The following SYNE2 variants were observed in gnomAD, a reference collection of about 807,000 sequenced individuals.
SYNE2 encodes spectrin repeat containing nuclear envelope protein 2.
Under a neutral mutation model 856.3 loss-of-function variants are expected in SYNE2, and 431 were observed. The ratio of observed to expected loss-of-function variants is 0.50; its 90% CI spans 0.47 to 0.55. The LOEUF is 0.55. Ranked by LOEUF, SYNE2 falls within the 20% of genes least tolerant of loss-of-function variation. The probability of loss-of-function intolerance (pLI) is 0.00; values close to 1 mark genes in which losing one functional copy is unlikely to be tolerated. For missense variants in SYNE2, 8,129 were observed against 8,023.2 expected (o/e 1.01, Z -0.50); for synonymous variants, 2,923 against 2,872.3 (o/e 1.02, Z -0.56).
chr14:64,036,645 C>A (rs1052029459), intron 45 of SYNE2, among the ~76,000 whole-genome samples: 1 of 152,058 alleles, frequency 6.6e-6, no homozygotes, highest in African/African-American at 2.4e-5. Flanking sequence ...CATTGACAGG[C>A]CCTCAGTTTC....
chr14:64,146,336 C>G (rs2098187305), intron 84 of SYNE2, 113 bp downstream of exon 84: 1 of 995,806 alleles, frequency 1.0e-6, no homozygotes, highest in East Asian at 2.7e-5. Context: ...CAGCTCCCCT[C>G]TATTTACTTA....
intron 77 of SYNE2, among the ~76,000 whole-genome samples, chr14:64,133,126 A>G (rs1314543043): frequency 6.6e-6 from 1 of 152,068 alleles, no homozygotes; most frequent in Non-Finnish European, 1.5e-5. Flanking sequence ...GAATGGCGTG[A>G]ACCCGGGAGG....
chr14:63,900,201 T>G (rs1309937439), intron 1 of SYNE2, among the ~76,000 whole-genome samples: 2 of 152,212 alleles, frequency 1.3e-5, no homozygotes, highest in African/African-American at 4.8e-5. Flanking sequence ...GTTGTGAGAT[T>G]GCAAGCCCAG....
chr14:64,188,811 T>A, intron 98 of SYNE2, 103 bp downstream of exon 98: 1 of 1,249,664 alleles, frequency 8.0e-7, no homozygotes, highest in Non-Finnish European at 1.2e-6. Flanking sequence ...GTGTTTCCAG[T>A]AGCATTTTAG....
intron 1 of SYNE2, among the ~76,000 whole-genome samples, chr14:63,786,002 G>A (rs1434190365): frequency 6.6e-6 from 1 of 152,138 alleles, no homozygotes; most frequent in Non-Finnish European, 1.5e-5. Flanking sequence ...TGTAATCCCA[G>A]CACTTTGGGA....
intron 2 of SYNE2, among the ~76,000 whole-genome samples, chr14:63,939,360 T>C (rs2095874050): frequency 6.7e-6 from 1 of 150,282 alleles, no homozygotes; most frequent in African/African-American, 2.4e-5. Flanking sequence ...TTTTTTTTTT[T>C]TTTTTGAGAC....
chr14:64,097,997 AAAG>A lies in SYNE2; in HGVS notation c.12162_12164del (p.Glu4054del), dbSNP rs781650647. 2.7e-5 allele frequency: 44 copies of A among 1,614,122 alleles called. No homozygotes were observed. In the East Asian group the frequency reaches 8.9e-4, roughly 33 times the overall value. On this transcript the variant is annotated inframe_deletion, in exon 62 of 116. Transcript: ENST00000555002. ...ACAGATTCTGAGTTTGAACCAGAGA[AAAG>A]AAGACCTGTTGGTGGACTTGAAGGC...
intron 1 of SYNE2, among the ~76,000 whole-genome samples, chr14:63,796,582 GT>G (rs911836064): frequency 1.5e-4 from 23 of 152,206 alleles, no homozygotes; most frequent in African/African-American, 5.3e-4. Flanking sequence ...GAAGATATAT[GT>G]TTTCCAATTT....
At chr14:64,114,636 T>A (rs2097840872) in intron 66 of SYNE2, among the ~76,000 whole-genome samples, 1 of 151,888 alleles carries the variant, frequency 6.6e-6, no homozygotes, top group Non-Finnish European at 1.5e-5. Flanking sequence ...TTTTTTTTTT[T>A]TTTCGGGGTC....
chr14:64,156,187 G>A (rs561631477), intron 85 of SYNE2, among the ~76,000 whole-genome samples: 1 of 152,212 alleles, frequency 6.6e-6, no homozygotes, highest in African/African-American at 2.4e-5. Context: ...CTCATGTACT[G>A]TGTCTTTTCC....
At chr14:63,992,943 T>TG (rs1185829794) in intron 21 of SYNE2, among the ~76,000 whole-genome samples, 1 of 152,210 alleles carries the variant, frequency 6.6e-6, no homozygotes, top group East Asian at 1.9e-4. Context: ...CTCCCGGAGT[T>TG]ATTCATCTTC....
At chr14:64,036,735 A>G (rs1297754584) in intron 45 of SYNE2, among the ~76,000 whole-genome samples, 1 of 152,192 alleles carries the variant, frequency 6.6e-6, no homozygotes, top group African/African-American at 2.4e-5. Flanking sequence ...GCCAAAGACA[A>G]ATATACTATT....
chr14:63,843,971 T>G (rs1421998580), intron 1 of SYNE2, among the ~76,000 whole-genome samples: 4 of 152,156 alleles, frequency 2.6e-5, no homozygotes, highest in Non-Finnish European at 5.9e-5. Context: ...GCACACAGCT[T>G]TCCCCGCTAT....
intron 6 of SYNE2, among the ~76,000 whole-genome samples, chr14:63,947,974 C>G (rs2096062248): frequency 6.6e-6 from 1 of 152,214 alleles, no homozygotes; most frequent in Non-Finnish European, 1.5e-5. Context: ...CTTCTCTTTG[C>G]ACCAGTACTA....
intron 1 of SYNE2, among the ~76,000 whole-genome samples, chr14:63,829,811 G>T (rs1889600436): frequency 1.3e-5 from 2 of 151,836 alleles, no homozygotes; most frequent in African/African-American, 4.8e-5. Context: ...GTAGACGGGG[G>T]TCTCACTTTG....
At chr14:64,070,124 C>T (rs1291855550) in intron 51 of SYNE2, among the ~76,000 whole-genome samples, 1 of 152,166 alleles carries the variant, frequency 6.6e-6, no homozygotes, top group Non-Finnish European at 1.5e-5. Context: ...CTGTGTACAC[C>T]ACTATTGATA....
intron 99 of SYNE2, among the ~76,000 whole-genome samples, chr14:64,201,340 G>A (rs368898354): frequency 1.1e-4 from 16 of 152,286 alleles, no homozygotes; most frequent in East Asian, 7.7e-4. Flanking sequence ...TCAGTCCCAT[G>A]GAAGTGCCTG....
Position 63,963,982 on chromosome 14 carries a change from C to T in SYNE2, c.972C>T (p.Thr324=). Residue 324 remains threonine, a synonymous_variant, in exon 10 of 116, where the codon ACC becomes ACT. Coordinates refer to ENST00000555002, the MANE Select transcript of SYNE2 (RefSeq NM_182914.3). ...TGCTAAAGGATTCAGAGAATGATAC[C>T]TACTTTAAAAAGTATAATGTAAGTA... ...QKLLKDSEND[T]YFKKYNSLLS... is the part of the protein sequence containing the mutation. The T allele has an allele frequency of 6.3e-7, 1 of 1,599,524 alleles. No individual in the cohort carries two copies. The highest frequency in any genetic ancestry group is 8.6e-7 in the Non-Finnish European group (1 of 1,167,398).
At chr14:63,901,296 T>A (rs1049696100) in intron 1 of SYNE2, among the ~76,000 whole-genome samples, 1 of 152,226 alleles carries the variant, frequency 6.6e-6, no homozygotes, top group Non-Finnish European at 1.5e-5. Flanking sequence ...AAGACATAGA[T>A]GTACAGGTTC....
Sources: allele counts gnomAD v4.1 joint callset (sites outside exome capture counted in the v4.1 genomes callset), GRCh38; gene constraint gnomAD v4.1.1; transcripts MANE v1.5; gene names NCBI Gene and HGNC (gene_info 2026-07-23, HGNC 2026-07-21).